Variants in TMCO5A observed in about 807,000 individuals in gnomAD.
TMCO5A encodes the protein transmembrane and coiled-coil domains 5A.
TMCO5A carries 34 observed loss-of-function variants against 42.3 expected under a neutral mutation model. That is an observed-to-expected ratio of 0.80 (90% CI 0.61 to 1.07). TMCO5A has a LOEUF of 1.07. Among genes scored for constraint, TMCO5A ranks in the 50% least tolerant of loss-of-function variants. The pLI is 0.00. For missense variants in TMCO5A, 357 were observed against 327.9 expected (o/e 1.09, Z -0.69); for synonymous variants, 131 against 115.6 (o/e 1.13, Z -0.86).
the TMCO5A span, among the ~76,000 whole-genome samples, chr15:37,993,178 T>G: frequency 1.3e-5 from 2 of 152,134 alleles, no homozygotes; most frequent in African/African-American, 4.8e-5. Flanking sequence ...TTATGAGAGT[T>G]GCTTTAAAGT....
the TMCO5A span, among the ~76,000 whole-genome samples, chr15:37,976,943 C>G: frequency 1.3e-5 from 2 of 151,752 alleles, no homozygotes; most frequent in African/African-American, 2.4e-5. Flanking sequence ...TGCCACCTTG[C>G]CCATTTTTAA....
At chr15:38,017,005 CAGAG>C in the TMCO5A span, among the ~76,000 whole-genome samples, 148 of 151,604 alleles carry the variant, frequency 9.8e-4, no homozygotes, top group African/African-American at 3.5e-3. Flanking sequence ...GAATGAGAGA[CAGAG>C]AGAGAGAGGA....
downstream of TMCO5A, among the ~76,000 whole-genome samples, chr15:37,971,708 C>T (rs189056239): frequency 6.6e-6 from 1 of 152,174 alleles, no homozygotes; most frequent in African/African-American, 2.4e-5. Flanking sequence ...CCTAAATCAT[C>T]TCTCTCAACT....
the TMCO5A span, chr15:38,020,117 G>C: frequency 6.6e-6 from 1 of 151,994 alleles, no homozygotes. Context: ...CTCAGCCTCT[G>C]GAGTAGGTAG....
At chr15:37,951,767 T>C (rs1020980953), downstream of TMCO5A, among the ~76,000 whole-genome samples, 1 of 152,064 alleles carries the variant, frequency 6.6e-6, no homozygotes, top group African/African-American at 2.4e-5. Flanking sequence ...AACAACTATC[T>C]AAACAAAGAA....
chr15:37,946,666 G>A (rs115444441), intron 10 of TMCO5A, among the ~76,000 whole-genome samples: 16 of 151,924 alleles, frequency 1.1e-4, no homozygotes, highest in African/African-American at 2.9e-4. Context: ...TCTGCTTGAC[G>A]GTTGTTGGTG....
the TMCO5A span, among the ~76,000 whole-genome samples, chr15:38,029,233 G>C: frequency 6.6e-6 from 1 of 152,070 alleles, no homozygotes; most frequent in Non-Finnish European, 1.5e-5. Context: ...TTGACCCCCA[G>C]TGCCGGTTGG....
chr15:37,959,873 G>A (rs1259111501), intron 11 of TMCO5A, among the ~76,000 whole-genome samples: 1 of 151,858 alleles, frequency 6.6e-6, no homozygotes, highest in African/African-American at 2.4e-5. Context: ...AAATTGGAAA[G>A]AAAGAAGTCA....
chr15:37,969,872 T>C (rs1332815146), downstream of TMCO5A, among the ~76,000 whole-genome samples: 1 of 152,234 alleles, frequency 6.6e-6, no homozygotes, highest in East Asian at 1.9e-4. Flanking sequence ...TTGTTCTTTT[T>C]TTATGGTTGC....
At chr15:38,002,582 G>A in the TMCO5A span, among the ~76,000 whole-genome samples, 1 of 151,468 alleles carries the variant, frequency 6.6e-6, no homozygotes, top group Non-Finnish European at 1.5e-5. Context: ...TTTTCAAATA[G>A]CCTGTCTTCA....
intron 11 of TMCO5A, among the ~76,000 whole-genome samples, chr15:37,960,589 G>A (rs1890399031): frequency 6.6e-6 from 1 of 151,980 alleles, no homozygotes; most frequent in Non-Finnish European, 1.5e-5. Flanking sequence ...ACTTTTAGTT[G>A]TTTAAAGAAT....
chr15:38,029,720 G>T, the TMCO5A span, among the ~76,000 whole-genome samples: 1 of 152,152 alleles, frequency 6.6e-6, no homozygotes. Context: ...AAAGTACTGG[G>T]ATTACAGGTG....
At chr15:37,966,894 G>A (rs1006448953) in exon 12 of TMCO5A, 1 of 564,330 alleles carries the variant, frequency 1.8e-6, no homozygotes. Flanking sequence ...GAAGAACAAA[G>A]TAAGGGAATG....
chr15:37,993,237 T>C, the TMCO5A span, among the ~76,000 whole-genome samples: 2 of 152,164 alleles, frequency 1.3e-5, no homozygotes, highest in African/African-American at 4.8e-5. Flanking sequence ...TTTCTGTTTT[T>C]TTTTAAATGG....
intron 11 of TMCO5A, among the ~76,000 whole-genome samples, chr15:37,961,119 C>G (rs1217950110): frequency 1.3e-5 from 2 of 152,054 alleles, no homozygotes; most frequent in Admixed American, 1.3e-4. Flanking sequence ...CTTGCCTAAG[C>G]CAATGCCTAA....
At chr15:37,961,428 GT>G (rs1367527884) in intron 11 of TMCO5A, among the ~76,000 whole-genome samples, 9 of 152,148 alleles carry the variant, frequency 5.9e-5, no homozygotes, top group African/African-American at 2.2e-4. Context: ...GTACCATGCT[GT>G]TTTGGTGACT....
chr15:37,988,021 CTTTAA>C, the TMCO5A span, among the ~76,000 whole-genome samples: 1 of 151,688 alleles, frequency 6.6e-6, no homozygotes, highest in African/African-American at 2.4e-5. Flanking sequence ...TTTATTTATT[CTTTAA>C]TTTATTTCAG....
Position 37,956,919 on chromosome 15 carries a change from T to C in TMCO5A, c.668+9223T>C, listed in dbSNP as rs543090226. On this transcript the variant is annotated intron_variant, in intron 11 of 11. Coordinates refer to the TMCO5A transcript ENST00000559502. The stretch of plus-strand genomic sequence containing the variant: ...GATCAAGTTGGCTTCATCCCTGGGA[T>C]GCAAGGCTGGTTCAACGGATGCCAA... 3.9e-5 allele frequency among the ~76,000 whole-genome samples: 6 copies of C among 152,318 alleles called. No homozygotes were observed. In the East Asian group the frequency reaches 1.2e-3, roughly 29 times the overall value.
At chr15:37,971,101 T>C (rs1890665642), downstream of TMCO5A, among the ~76,000 whole-genome samples, 1 of 152,240 alleles carries the variant, frequency 6.6e-6, no homozygotes, top group African/African-American at 2.4e-5. Flanking sequence ...CATACTGCAC[T>C]AGCAGAGGTT....
Sources: allele counts gnomAD v4.1 joint callset (sites outside exome capture counted in the v4.1 genomes callset), GRCh38; gene constraint gnomAD v4.1.1; transcripts MANE v1.5; gene names NCBI Gene and HGNC (gene_info 2026-07-23, HGNC 2026-07-21).